The following PLCL2 variants were observed in gnomAD, a reference collection of about 807,000 sequenced individuals.
PLCL2 encodes the protein phospholipase C like 2.
PLCL2 carries 4 observed loss-of-function variants against 79.6 expected under a neutral mutation model. The observed-to-expected ratio is 0.05, with a 90% CI of 0.02 to 0.11. The LOEUF is 0.11. Ranked by LOEUF, PLCL2 falls within the 10% of genes least tolerant of loss-of-function variation. The pLI is 1.00. For missense variants in PLCL2, 895 were observed against 1,291.0 expected (o/e 0.69, Z 4.70); for synonymous variants, 484 against 457.7 (o/e 1.06, Z -0.73).
At chr3:17,039,882 A>G (rs1459423229) in intron 3 of PLCL2, among the ~76,000 whole-genome samples, 2 of 152,198 alleles carry the variant, frequency 1.3e-5, no homozygotes, top group Non-Finnish European at 2.9e-5. Flanking sequence ...CATTATCAGC[A>G]GAGGAACTTC....
rs182022127 is a variant in PLCL2, at chr3:16,960,995, C to G, written c.328-48679C>G. Among the ~76,000 whole-genome samples the G allele has an allele frequency of 2.0e-3, 312 of 152,268 alleles. 1 individual carries two copies. Among genetic ancestry groups the G allele is most frequent in the African/African-American group, 5.8e-3 (240 of 41,554 alleles). On this transcript the variant is annotated intron_variant, in intron 1 of 5. Coordinates refer to ENST00000615277, the MANE Select transcript of PLCL2 (RefSeq NM_001144382.2). ...TTCAAACAATCCAATCATCTATATTCAGCAAAACACAAAAAGTTTCTGTTA... is the reference window on the plus strand; with the variant it reads ...TTCAAACAATCCAATCATCTATATTGAGCAAAACACAAAAAGTTTCTGTTA...
At chr3:17,063,407 C>T (rs749945238) in intron 4 of PLCL2, among the ~76,000 whole-genome samples, 6 of 147,966 alleles carry the variant, frequency 4.1e-5, no homozygotes, top group Non-Finnish European at 7.4e-5. Flanking sequence ...ACATGGACTT[C>T]GCATCTCTCA....
intron 3 of PLCL2, among the ~76,000 whole-genome samples, chr3:17,041,753 G>T (rs1054613963): frequency 1.3e-5 from 2 of 152,052 alleles, no homozygotes; most frequent in African/African-American, 4.8e-5. Context: ...GACCAGCCTG[G>T]GCAACATAGC....
intron 3 of PLCL2, among the ~76,000 whole-genome samples, chr3:17,033,314 A>C (rs901275540): frequency 1.3e-5 from 2 of 152,164 alleles, no homozygotes; most frequent in African/African-American, 4.8e-5. Context: ...AAAATAGTTG[A>C]ATACAGTGTT....
At chr3:17,039,269 A>G (rs2064692843) in intron 3 of PLCL2, among the ~76,000 whole-genome samples, 1 of 152,198 alleles carries the variant, frequency 6.6e-6, no homozygotes. Context: ...CACTACATTC[A>G]ATCATAATTG....
chr3:16,993,575 G>A (rs1386150782), intron 1 of PLCL2, among the ~76,000 whole-genome samples: 3 of 152,182 alleles, frequency 2.0e-5, no homozygotes, highest in African/African-American at 7.2e-5. Flanking sequence ...AATAAGGATA[G>A]CATCCTGCTT....
chr3:16,933,662 T>C (rs965681470), intron 1 of PLCL2, among the ~76,000 whole-genome samples: 11 of 152,198 alleles, frequency 7.2e-5, no homozygotes, highest in Admixed American at 3.3e-4. Context: ...CCTGATGTTT[T>C]CCAAGTAAAT....
In PLCL2 at chr3:16,885,182, G is replaced by A. The variant is rs1404579719; in HGVS notation, c.143G>A (p.Arg48His). The change falls in exon 1 of 6, where the codon CGC (arginine) becomes CAC (histidine). Residue 48 changes from arginine to histidine, a missense_variant. Arg to His is a conservative substitution (Grantham distance 29). Coordinates refer to ENST00000615277, the MANE Select transcript of PLCL2 (RefSeq NM_001144382.2). Reference sequence around the variant, plus strand: ...GGTCGCCTCGGCCACGGGCGGGCGCGCTATGACAGCGGCGGGGTTTCCAAC... The same window carrying A: ...GGTCGCCTCGGCCACGGGCGGGCGCACTATGACAGCGGCGGGGTTTCCAAC... ...GGGRLGHGRA[R>H]YDSGGVSNGD... 35 of 599,930 alleles carry A rather than the reference G, an allele frequency of 5.8e-5. No individual in the cohort carries two copies. The highest frequency in any genetic ancestry group is 9.3e-5 in the Non-Finnish European group (31 of 333,304). The allele number at this position is 599,930 out of a possible 1,614,324, so 37.2% of individuals were successfully genotyped here.
intron 3 of PLCL2, among the ~76,000 whole-genome samples, chr3:17,028,203 CCCT>C (rs1559524588): frequency 6.6e-6 from 1 of 152,110 alleles, no homozygotes; most frequent in East Asian, 1.9e-4. Context: ...CTCTGAAAAC[CCCT>C]CATTTCCTCT....
intron 1 of PLCL2, among the ~76,000 whole-genome samples, chr3:16,950,675 C>T (rs191321824): frequency 4.0e-5 from 6 of 151,632 alleles, no homozygotes; most frequent in African/African-American, 1.2e-4. Context: ...ATTGGCTTCT[C>T]GTAGATTCTC....
chr3:16,923,697 A>C (rs1697177600), intron 1 of PLCL2, among the ~76,000 whole-genome samples: 1 of 152,078 alleles, frequency 6.6e-6, no homozygotes. Context: ...TATTTCTTCA[A>C]ATATTCTTTC....
chr3:16,977,034 G>T (rs13064148), intron 1 of PLCL2, among the ~76,000 whole-genome samples: 1 of 151,812 alleles, frequency 6.6e-6, no homozygotes, highest in Admixed American at 6.6e-5. Flanking sequence ...AAATATAATG[G>T]ACATTATTCA....
At chr3:16,957,827 T>C (rs916527262) in intron 1 of PLCL2, among the ~76,000 whole-genome samples, 5 of 152,308 alleles carry the variant, frequency 3.3e-5, no homozygotes, top group African/African-American at 1.2e-4. Context: ...TTAAAGTCTG[T>C]TTTATCAGAG....
At chr3:17,056,788 T>G (rs963035944) in intron 4 of PLCL2, among the ~76,000 whole-genome samples, 8 of 152,040 alleles carry the variant, frequency 5.3e-5, no homozygotes, top group African/African-American at 1.9e-4. Flanking sequence ...CACAACCAAG[T>G]GAGTGGTATA....
chr3:16,893,333 GT>G (rs140489644), intron 1 of PLCL2, among the ~76,000 whole-genome samples: 1,706 of 152,212 alleles, frequency 0.011, 15 homozygotes, highest in Non-Finnish European at 0.02. Context: ...GTAATGGTTT[GT>G]TTTTTTAGGT....
intron 1 of PLCL2, among the ~76,000 whole-genome samples, chr3:16,993,606 A>G (rs2064125484): frequency 6.6e-6 from 1 of 152,232 alleles, no homozygotes; most frequent in Admixed American, 6.5e-5. Context: ...GGATTTGGTA[A>G]TTAGCTTGCA....
intron 1 of PLCL2, among the ~76,000 whole-genome samples, chr3:16,912,594 C>G (rs966315648): frequency 1.3e-5 from 2 of 152,180 alleles, no homozygotes; most frequent in African/African-American, 2.4e-5. Flanking sequence ...GAGACTGATT[C>G]AGTTGTGCAA....
chr3:16,940,005 A>C (rs1697640123), intron 1 of PLCL2, among the ~76,000 whole-genome samples: 2 of 152,222 alleles, frequency 1.3e-5, no homozygotes, highest in Non-Finnish European at 2.9e-5. Flanking sequence ...TATTTGAGAC[A>C]GTGGCATTCA....
chr3:17,010,748 CG>C lies in PLCL2; in HGVS notation c.1404del (p.Ser469ValfsTer4). ...GYIRALKMGC[R>X]SVELDVWDGP... is the part of the protein sequence containing the mutation. ...TATTCGAGCTCTTAAAATGGGTTGC[CG>C]GAGTGTTGAATTAGATGTATGGGAT... is the stretch of plus-strand genomic sequence containing the variant. On this transcript the variant is annotated frameshift_variant, in exon 2 of 6. Transcript: ENST00000615277. LOFTEE classifies it high-confidence loss of function. The surrounding 1 kb of genome is among the most constrained non-coding windows in gnomAD (Gnocchi z 5.8). 1 of 1,614,038 alleles carries C rather than the reference CG, an allele frequency of 6.2e-7. No homozygotes were observed. Among genetic ancestry groups the C allele is most frequent in the South Asian group, 1.1e-5 (1 of 91,066 alleles).
Sources: gnomAD v4.1 joint callset for allele counts (sites outside exome capture counted in the v4.1 genomes callset) on GRCh38, gnomAD v4.1.1 for gene constraint, Gnocchi (gnomAD v3.1) non-coding constraint, MANE v1.5 for transcripts, NCBI Gene and HGNC (gene_info 2026-07-23, HGNC 2026-07-21) for gene names.